Variants in ELMOD1 observed in about 807,000 individuals in gnomAD.
ELMOD1 encodes the protein ELMO domain containing 1, also known as ELMO domain-containing protein 1.
ELMOD1 carries 21 observed loss-of-function variants against 46.7 expected under a neutral mutation model. That is an observed-to-expected ratio of 0.45 (90% CI 0.32 to 0.65). The LOEUF (loss-of-function observed/expected upper bound fraction) is 0.65. Ranked by LOEUF, ELMOD1 falls within the 30% of genes least tolerant of loss-of-function variation. The probability of loss-of-function intolerance (pLI) is 0.04; values close to 1 mark genes in which losing one functional copy is unlikely to be tolerated. For synonymous variants in ELMOD1, 122 were observed against 138.2 expected (o/e 0.88, Z 0.82); for missense variants, 348 against 407.8 (o/e 0.85, Z 1.26).
At chr11:107,627,822 A>C (rs1164886494) in intron 2 of ELMOD1, among the ~76,000 whole-genome samples, 1 of 152,202 alleles carries the variant, frequency 6.6e-6, no homozygotes, top group Non-Finnish European at 1.5e-5. Flanking sequence ...GATTTAGTAC[A>C]AACAGAACTG....
chr11:107,604,613 G>A (rs900906967), intron 1 of ELMOD1, among the ~76,000 whole-genome samples: 26 of 152,166 alleles, frequency 1.7e-4, no homozygotes, highest in African/African-American at 4.6e-4. Context: ...TTCCTTAAGG[G>A]CACATAAAAT....
chr11:107,599,171 A>G (rs1305582996), intron 1 of ELMOD1, among the ~76,000 whole-genome samples: 1 of 152,174 alleles, frequency 6.6e-6, no homozygotes, highest in Non-Finnish European at 1.5e-5. Context: ...TGGCTATGCT[A>G]ATTTTAAAAA....
chr11:107,633,555 C>T (rs1157260559), intron 5 of ELMOD1, among the ~76,000 whole-genome samples: 8 of 152,138 alleles, frequency 5.3e-5, no homozygotes, highest in Admixed American at 5.2e-4. Flanking sequence ...GCCTCAGCCT[C>T]CCAAGTAGCT....
chr11:107,603,616 T>C (rs1423160141), intron 1 of ELMOD1, among the ~76,000 whole-genome samples: 1 of 151,640 alleles, frequency 6.6e-6, no homozygotes, highest in Non-Finnish European at 1.5e-5. Context: ...ACTCCCACTT[T>C]TAGAGGAACT....
At chr11:107,601,912 CCTTA>C (rs1485362256) in intron 1 of ELMOD1, among the ~76,000 whole-genome samples, 3 of 152,030 alleles carry the variant, frequency 2.0e-5, no homozygotes, top group Non-Finnish European at 4.4e-5. Context: ...TTGTTAAAGG[CCTTA>C]CATTTGCCAT....
At chr11:107,594,461 G>A (rs1473169426) in intron 1 of ELMOD1, among the ~76,000 whole-genome samples, 4 of 152,084 alleles carry the variant, frequency 2.6e-5, no homozygotes, top group Non-Finnish European at 4.4e-5. Flanking sequence ...AGGGACAAGT[G>A]CAGGAATTAG....
At chr11:107,659,080 C>T (rs759541491) in intron 11 of ELMOD1, among the ~76,000 whole-genome samples, 28 of 152,024 alleles carry the variant, frequency 1.8e-4, no homozygotes, top group Non-Finnish European at 3.8e-4. Context: ...CTGAGTGGTC[C>T]GGTGAAGGCC....
chr11:107,601,252 C>T (rs1460972301), intron 1 of ELMOD1, among the ~76,000 whole-genome samples: 1 of 151,770 alleles, frequency 6.6e-6, no homozygotes, highest in Non-Finnish European at 1.5e-5. Context: ...ACATGTTTCT[C>T]CTTTCTCAAT....
chr11:107,634,556 A>G (rs967316817), intron 5 of ELMOD1, among the ~76,000 whole-genome samples: 27 of 152,114 alleles, frequency 1.8e-4, no homozygotes, highest in African/African-American at 6.5e-4. Flanking sequence ...CTGGCCACAC[A>G]TGGCAAAACT....
At chr11:107,637,372 A>G (rs1396831956) in intron 6 of ELMOD1, among the ~76,000 whole-genome samples, 1 of 152,120 alleles carries the variant, frequency 6.6e-6, no homozygotes, top group Admixed American at 6.5e-5. Flanking sequence ...TTACAATCCA[A>G]TTGGGGCATA....
chr11:107,615,229 CTTTTTTTTTTTTT>C (rs34461488), intron 1 of ELMOD1, among the ~76,000 whole-genome samples: 1 of 81,138 alleles, frequency 1.2e-5, no homozygotes, highest in East Asian at 4.4e-4. Flanking sequence ...TTGTCAGCAT[CTTTTTTTTTTTTT>C]TTTTTTTTTT....
In ELMOD1 at chr11:107,665,093, C is replaced by T. The variant is rs1373433307; in HGVS notation, c.901C>T (p.Arg301Cys). Residue 301 changes from arginine (R) to cysteine (C), a missense_variant, in exon 12 of 12, where the codon CGT becomes TGT. Physicochemically the swap from Arg to Cys is radical, Grantham distance 180. Coordinates refer to ENST00000265840, the MANE Select transcript of ELMOD1 (RefSeq NM_018712.4). Reference protein sequence around the residue: ...EDPMDIMEFNRVREKFRKRII... With the variant: ...EDPMDIMEFNCVREKFRKRII... ...CCCCATGGACATAATGGAATTTAAT[C>T]GTGTGAGGGAGAAATTCCGCAAGAG... The T allele has an allele frequency of 4.3e-6, 7 of 1,613,820 alleles. No individual in the cohort carries two copies. Among genetic ancestry groups the T allele is most frequent in the Admixed American group, 1.7e-5 (1 of 60,016 alleles).
At chr11:107,595,758 A>G (rs1865481776) in intron 1 of ELMOD1, among the ~76,000 whole-genome samples, 1 of 152,142 alleles carries the variant, frequency 6.6e-6, no homozygotes, top group African/African-American at 2.4e-5. Context: ...ATCAGTTTCT[A>G]TGCTGTAAAA....
rs1866830913 is a variant in ELMOD1 at position 107,665,711 on chromosome 11, C to T, written c.*514C>T. On this transcript the variant is annotated 3_prime_UTR_variant, in exon 12 of 12. Coordinates refer to ENST00000265840, the MANE Select transcript of ELMOD1 (RefSeq NM_018712.4). ...GGCGCAGTGGCTCACACCTGTAATC[C>T]CAGCACTTTGGGGAGCTGAGGCGGG... is the stretch of plus-strand genomic sequence containing the variant. 6.6e-6 allele frequency: 1 copy of T among 152,392 alleles called. No homozygotes were observed. The highest frequency in any genetic ancestry group is 2.4e-5 in the African/African-American group (1 of 41,342). The allele number at this position is 152,392 out of a possible 1,614,324, so 9.4% of individuals were successfully genotyped here. A position where few individuals can be genotyped will look rare whatever the true frequency, so the allele number is the denominator to read the frequency against.
At chr11:107,594,361 G>C (rs1865456996) in intron 1 of ELMOD1, among the ~76,000 whole-genome samples, 1 of 152,152 alleles carries the variant, frequency 6.6e-6, no homozygotes, top group South Asian at 2.1e-4. Flanking sequence ...TGAGAGGACA[G>C]AGTGGCCTGC....
At chr11:107,652,399 A>C (rs1866540566) in intron 9 of ELMOD1, among the ~76,000 whole-genome samples, 1 of 152,012 alleles carries the variant, frequency 6.6e-6, no homozygotes, top group South Asian at 2.1e-4. Flanking sequence ...AATTTTGACT[A>C]TTAGTTTGTG....
intron 9 of ELMOD1, 29 bp from the exon 10 acceptor site, chr11:107,654,143 C>G (rs771781701): frequency 1.9e-6 from 3 of 1,552,808 alleles, no homozygotes; most frequent in Non-Finnish European, 2.6e-6. Context: ...TTAAATCTGA[C>G]TTACTTACTT....
chr11:107,658,221 C>T (rs987181758), intron 11 of ELMOD1, among the ~76,000 whole-genome samples: 15 of 152,190 alleles, frequency 9.9e-5, no homozygotes, highest in African/African-American at 3.6e-4. Context: ...GGGCAGGAGA[C>T]TGCTTTTTTT....
At chr11:107,592,761 G>A (rs1017364955) in intron 1 of ELMOD1, 1 of 171,798 alleles carries the variant, frequency 5.8e-6, no homozygotes, top group East Asian at 1.6e-4. Context: ...CATTAACGTA[G>A]GGAACGTTGA....
Sources: gnomAD v4.1 joint callset for allele counts (sites outside exome capture counted in the v4.1 genomes callset) on GRCh38, gnomAD v4.1.1 for gene constraint, MANE v1.5 for transcripts, NCBI Gene and HGNC (gene_info 2026-07-23, HGNC 2026-07-21) for gene names.